Variants in MGAT5 observed in about 807,000 individuals in gnomAD.
MGAT5 encodes the protein alpha-1,6-mannosylglycoprotein 6-beta-N-acetylglucosaminyltransferase, also known as alpha-1,6-mannosylglycoprotein 6-beta-N-acetylglucosaminyltransferase A.
In MGAT5, 30 loss-of-function variants were observed where a neutral mutation model predicts 94.3. The ratio of observed to expected loss-of-function variants is 0.32; its 90% CI spans 0.24 to 0.43. The LOEUF is 0.43. Among genes scored for constraint, MGAT5 ranks in the 20% least tolerant of loss-of-function variants. The pLI is 1.00. For synonymous variants in MGAT5, 310 were observed against 322.9 expected (o/e 0.96, Z 0.43); for missense variants, 691 against 905.5 (o/e 0.76, Z 3.04).
At chr2:134,382,982 T>C (rs1681728410) in intron 10 of MGAT5, among the ~76,000 whole-genome samples, 1 of 152,186 alleles carries the variant, frequency 6.6e-6, no homozygotes, top group Admixed American at 6.5e-5. Flanking sequence ...ATAAACTTAG[T>C]TGGTAGCTTT....
At position 134,341,729 on chromosome 2, in the gene MGAT5, G is replaced by A. The variant is rs147621888; in HGVS notation, c.947G>A (p.Arg316Lys). The A allele has an allele frequency of 1.7e-5, 27 of 1,610,546 alleles. No homozygotes were observed. Among genetic ancestry groups the A allele is most frequent in the African/African-American group, 2.7e-5 (2 of 74,740 alleles). Residue 316 changes from arginine to lysine, a missense_variant, in exon 7 of 16, where the codon AGG (arginine) becomes AAG (lysine). Physicochemically the swap from Arg to Lys is conservative, Grantham distance 26. Around this residue, in one of 4 missense-constraint regions of MGAT5, gnomAD observed 121 missense variants for 206.1 expected, o/e 0.59. Coordinates refer to ENST00000281923, the MANE Select transcript of MGAT5 (RefSeq NM_002410.5). ...TSLYLLGHDI[R>K]ISASLAELKE... ...CTGTACTTACTGGGCCATGACATTA[G>A]GATTTCAGCTTCACTGGCTGAGCTC...
chr2:134,199,894 G>T (rs1679691571), intron 1 of MGAT5, among the ~76,000 whole-genome samples: 1 of 152,116 alleles, frequency 6.6e-6, no homozygotes, highest in Non-Finnish European at 1.5e-5. Context: ...TGTGGAGGTT[G>T]TGCAAATGGC....
intron 10 of MGAT5, among the ~76,000 whole-genome samples, chr2:134,364,281 C>T (rs1463204192): frequency 6.6e-6 from 1 of 152,128 alleles, no homozygotes; most frequent in Non-Finnish European, 1.5e-5. Context: ...GGGTGGATCA[C>T]CTGAGGTCAG....
chr2:134,348,163 G>A (rs908342882), intron 8 of MGAT5, among the ~76,000 whole-genome samples: 5 of 152,262 alleles, frequency 3.3e-5, no homozygotes, highest in Middle Eastern at 6.8e-3. Context: ...AAGTGGAAAG[G>A]GATGCTCTGA....
In MGAT5 at chr2:134,428,935, G is replaced by T. The variant is rs538383836; in HGVS notation, c.1869+496G>T. ...TAAAAAGCAGGACAAAGCCAAGGAG[G>T]GTGCCAAGAGTTCCACCTTCCCCAA... On this transcript the variant is annotated intron_variant, in intron 14 of 15. Coordinates refer to ENST00000281923, the MANE Select transcript of MGAT5 (RefSeq NM_002410.5). 2.6e-5 allele frequency among the ~76,000 whole-genome samples: 4 copies of T among 152,288 alleles called. No homozygotes were observed. In the South Asian group the frequency reaches 6.2e-4, roughly 24 times the overall value.
intron 1 of MGAT5, among the ~76,000 whole-genome samples, chr2:134,168,431 T>C (rs1163997493): frequency 6.6e-6 from 1 of 152,152 alleles, no homozygotes; most frequent in Non-Finnish European, 1.5e-5. Context: ...CTCATTGAAA[T>C]GGAAAGATGA....
intron 10 of MGAT5, among the ~76,000 whole-genome samples, chr2:134,394,901 T>C (rs537432485): frequency 1.3e-3 from 199 of 152,322 alleles, no homozygotes; most frequent in Non-Finnish European, 2.5e-3. Context: ...TCCTGACCCT[T>C]TAGGGATTCT....
chr2:134,254,875 G>T (rs934741759), intron 1 of MGAT5, among the ~76,000 whole-genome samples: 1 of 152,212 alleles, frequency 6.6e-6, no homozygotes, highest in African/African-American at 2.4e-5. Flanking sequence ...GGTTAGTATA[G>T]TTAGGGCTCT....
At chr2:134,257,281 G>A (rs1683026161) in intron 1 of MGAT5, among the ~76,000 whole-genome samples, 1 of 152,178 alleles carries the variant, frequency 6.6e-6, no homozygotes, top group South Asian at 2.1e-4. Context: ...TGCCCAGGCT[G>A]GAGTGCAGTG....
intron 1 of MGAT5, among the ~76,000 whole-genome samples, chr2:134,206,379 C>T (rs1680021888): frequency 6.6e-6 from 1 of 152,228 alleles, no homozygotes; most frequent in Non-Finnish European, 1.5e-5. Flanking sequence ...GGTGAGCTAG[C>T]TCTGTCCTCA....
intron 4 of MGAT5, among the ~76,000 whole-genome samples, chr2:134,324,244 T>C (rs1465004642): frequency 6.6e-6 from 1 of 152,156 alleles, no homozygotes; most frequent in Non-Finnish European, 1.5e-5. Context: ...AATTGCCCAG[T>C]GATTGATTGC....
chr2:134,387,432 T>C (rs1272477942), intron 10 of MGAT5, among the ~76,000 whole-genome samples: 1 of 148,284 alleles, frequency 6.7e-6, no homozygotes, highest in Non-Finnish European at 1.5e-5. Context: ...TCGGCTAACT[T>C]ATTAGAGGAC....
At position 134,311,276 on chromosome 2, in the gene MGAT5, A is replaced by G. The variant is rs78086001; in HGVS notation, c.407-6253A>G. On this transcript the variant is annotated intron_variant, in intron 2 of 15. Transcript: ENST00000281923. ...TCTATTTTTTTCTTTCCTTTTTTTA[A>G]CCTTTAAAATGGCAATGGCGATGGA... Among the ~76,000 whole-genome samples the G allele has an allele frequency of 3.2e-3, 479 of 151,998 alleles. 1 individual carries two copies. The highest frequency in any genetic ancestry group is 0.02 in the South Asian group (96 of 4,810).
rs141413082 is a variant in MGAT5 at position 134,208,798 on chromosome 2, G to A, written c.-142-45464G>A. ...AAAACATTACCTTACCCACCTATGT[G>A]GCCTTTCTTGGCTGGACTTCTAAAA... On this transcript the variant is annotated intron_variant, in intron 1 of 16. Coordinates refer to the MGAT5 transcript ENST00000409645. Among the ~76,000 whole-genome samples the A allele has an allele frequency of 3.9e-5, 6 of 152,250 alleles. No homozygotes were observed. In the East Asian group the frequency reaches 9.6e-4, roughly 24 times the overall value.
intron 1 of MGAT5, among the ~76,000 whole-genome samples, chr2:134,131,266 C>T (rs1398505240): frequency 6.6e-6 from 1 of 152,188 alleles, no homozygotes; most frequent in African/African-American, 2.4e-5. Context: ...CGAGGGTCCG[C>T]GGCTTCATTC....
intron 9 of MGAT5, among the ~76,000 whole-genome samples, chr2:134,356,632 C>T (rs1272501576): frequency 6.6e-6 from 1 of 152,086 alleles, no homozygotes; most frequent in African/African-American, 2.4e-5. Context: ...AATTTGAATG[C>T]AGAGGTGGGG....
chr2:134,129,651 G>C (rs963098611), intron 1 of MGAT5, among the ~76,000 whole-genome samples: 3 of 150,894 alleles, frequency 2.0e-5, no homozygotes, highest in Non-Finnish European at 4.4e-5. Context: ...TTTGAGGTCT[G>C]CTAAGGCCAG....
At chr2:134,198,653 A>T (rs1470002560) in intron 1 of MGAT5, among the ~76,000 whole-genome samples, 1 of 152,176 alleles carries the variant, frequency 6.6e-6, no homozygotes, top group Non-Finnish European at 1.5e-5. Flanking sequence ...GGAGAAGACT[A>T]ATGGGTTCCT....
intron 9 of MGAT5, among the ~76,000 whole-genome samples, chr2:134,352,618 C>T (rs1223102463): frequency 6.6e-6 from 1 of 152,040 alleles, no homozygotes; most frequent in Middle Eastern, 3.2e-3. Context: ...TAAAGTTATC[C>T]AGGGATGGGG....
Sources: gnomAD v4.1 joint callset for allele counts (sites outside exome capture counted in the v4.1 genomes callset) on GRCh38, gnomAD v4.1.1 for gene constraint, gnomAD v4.1.1 regional missense constraint, MANE v1.5 for transcripts, NCBI Gene and HGNC (gene_info 2026-07-23, HGNC 2026-07-21) for gene names.